The following CRYBA4 variants were observed in gnomAD, a reference collection of about 807,000 sequenced individuals.
CRYBA4 encodes crystallin beta A4.
A neutral mutation model predicts 31.7 loss-of-function variants in CRYBA4; 30 were observed. The ratio of observed to expected loss-of-function variants is 0.95; its 90% CI spans 0.71 to 1.28. The LOEUF (loss-of-function observed/expected upper bound fraction) is 1.28, where lower values mean the gene tolerates loss of function less well. CRYBA4 is among the 50% of genes most tolerant of loss of function. CRYBA4 has a pLI of 0.00. For missense variants in CRYBA4, 225 were observed against 260.7 expected (o/e 0.86, Z 0.94); for synonymous variants, 102 against 102.3 (o/e 1.00, Z 0.02).
intron 4 of CRYBA4, among the ~76,000 whole-genome samples, chr22:26,627,422 T>TTCTTTCTTTC (rs1569211779): frequency 1.0e-5 from 1 of 98,120 alleles, no homozygotes; most frequent in Non-Finnish European, 1.8e-5. Context: ...CTTTCTTTCT[T>TTCTTTCTTTC]TCTTTTTCTT....
chr22:26,610,381 C>T, the CRYBA4 span, among the ~76,000 whole-genome samples: 16 of 152,268 alleles, frequency 1.1e-4, no homozygotes, highest in Admixed American at 8.5e-4. Context: ...CCACACAGAC[C>T]CAGGCCCCCG....
upstream of CRYBA4, chr22:26,617,850 C>T (rs970163791): frequency 6.5e-6 from 1 of 153,178 alleles, no homozygotes; most frequent in Non-Finnish European, 1.5e-5. Context: ...CTCTCCACTT[C>T]CGTCTTTATC....
At chr22:26,612,207 C>T in the CRYBA4 span, 1 of 1,580,886 alleles carries the variant, frequency 6.3e-7, no homozygotes, top group Non-Finnish European at 8.7e-7. Flanking sequence ...GAGAGAAGCC[C>T]CCATGCCAAG....
chr22:26,597,684 G>A, the CRYBA4 span, among the ~76,000 whole-genome samples: 2 of 152,160 alleles, frequency 1.3e-5, no homozygotes, highest in South Asian at 2.1e-4. Flanking sequence ...AATATTAACT[G>A]TTGATATGGG....
chr22:26,596,783 G>C, the CRYBA4 span: 1 of 152,174 alleles, frequency 6.6e-6, no homozygotes, highest in African/African-American at 2.4e-5. Flanking sequence ...TTTGGAATCA[G>C]AGAATCACAG....
chr22:26,611,465 T>G, the CRYBA4 span, among the ~76,000 whole-genome samples: 64 of 136,516 alleles, frequency 4.7e-4, no homozygotes, highest in Non-Finnish European at 8.9e-4. Flanking sequence ...TTTTTTTTTT[T>G]TTTGTTTTTT....
At chr22:26,621,105 A>G (rs556314945), upstream of CRYBA4, among the ~76,000 whole-genome samples, 1 of 152,166 alleles carries the variant, frequency 6.6e-6, no homozygotes, top group Non-Finnish European at 1.5e-5. Context: ...TCATACGCCA[A>G]TTCAGAGGGC....
chr22:26,628,305 G>A lies in CRYBA4; in HGVS notation c.318G>A (p.Arg106=), dbSNP rs749895210. The change falls in exon 5 of 6, where the codon AGG becomes AGA. Residue 106 remains arginine, a synonymous_variant. Transcript: ENST00000354760. ...PAACANHRDS[R]LTIFEQENFL... ...TCCTGTAGAACCACCGTGACTCGAG[G>A]CTGACAATCTTCGAGCAAGAGAACT... 33 of 1,613,906 alleles carry A rather than the reference G, an allele frequency of 2.0e-5. No homozygotes were observed. In the Admixed American group the frequency reaches 5.0e-4, roughly 24 times the overall value.
intron 4 of CRYBA4, among the ~76,000 whole-genome samples, chr22:26,627,773 C>T (rs1389395027): frequency 6.6e-6 from 1 of 151,870 alleles, no homozygotes; most frequent in Non-Finnish European, 1.5e-5. Flanking sequence ...CTCAGTCTCC[C>T]AAGTAGCTGA....
the CRYBA4 span, among the ~76,000 whole-genome samples, chr22:26,600,022 G>A: frequency 6.6e-6 from 1 of 152,204 alleles, no homozygotes; most frequent in African/African-American, 2.4e-5. Flanking sequence ...GCAGGGCTCA[G>A]AGAACAAATC....
the CRYBA4 span, chr22:26,616,050 G>A: frequency 9.7e-7 from 1 of 1,035,078 alleles, no homozygotes; most frequent in South Asian, 1.3e-5. Context: ...AGTAAGAGGT[G>A]AAAGAGGAAG....
chr22:26,621,859 G>A, upstream of CRYBA4: 2 of 471,576 alleles, frequency 4.2e-6, no homozygotes, highest in Non-Finnish European at 5.6e-6. Context: ...AGCCAGGGCT[G>A]GCTTTTGTTT....
At chr22:26,590,220 A>G in the CRYBA4 span, 1 of 82,656 alleles carries the variant, frequency 1.2e-5, no homozygotes, top group Admixed American at 1.4e-4. Context: ...CATCCCCTCC[A>G]CTGCGCCTCG....
At chr22:26,617,678 CCTGT>C (rs980275911), upstream of CRYBA4, among the ~76,000 whole-genome samples, 12 of 152,144 alleles carry the variant, frequency 7.9e-5, no homozygotes, top group South Asian at 2.1e-4. Context: ...TGCCTATCTG[CCTGT>C]CTGTTTCTCT....
chr22:26,614,603 C>T, the CRYBA4 span, among the ~76,000 whole-genome samples: 3 of 152,010 alleles, frequency 2.0e-5, no homozygotes, highest in Non-Finnish European at 2.9e-5. Flanking sequence ...GGCAGTCATG[C>T]GCAACAATAT....
rs916247393 is a variant in CRYBA4, at chr22:26,630,594, C to G, written c.*107C>G. 19 of 964,114 alleles carry G rather than the reference C, an allele frequency of 2.0e-5. No homozygotes were observed. The African/African-American group carries it at 2.7e-4, about 14-fold the overall frequency. The allele number at this position is 964,114 out of a possible 1,614,324, so 59.7% of individuals were successfully genotyped here. A position where few individuals can be genotyped will look rare whatever the true frequency, so the allele number is the denominator to read the frequency against. On this transcript the variant is annotated 3_prime_UTR_variant, in exon 6 of 6. Coordinates refer to ENST00000354760, the MANE Select transcript of CRYBA4 (RefSeq NM_001886.3). ...TGCCTCCCCCTGTAACCTGTGTGAACCCAGCACCCATGTGAACTGGTCCGT... is the reference window on the plus strand; with the variant it reads ...TGCCTCCCCCTGTAACCTGTGTGAAGCCAGCACCCATGTGAACTGGTCCGT...
In CRYBA4 at chr22:26,627,448, T is replaced by TC. The variant is rs1465797966; in HGVS notation, c.301-840_301-839insC. 1.1e-3 allele frequency among the ~76,000 whole-genome samples: 123 copies of TC among 108,018 alleles called. 2 individuals carry two copies. Among genetic ancestry groups the TC allele is most frequent in the East Asian group, 1.7e-3 (5 of 2,870 alleles). 70.9% of individuals were successfully genotyped at this position (108,018 alleles called of 152,430 possible). A position where few individuals can be genotyped will look rare whatever the true frequency, so the allele number is the denominator to read the frequency against. ...TCTTTTTCTTTCTTTCTTTCTTTCC[T>TC]TCTTTCTTTTTCTTTCTTTCTTTCT... On this transcript the variant is annotated intron_variant, in intron 4 of 5. Coordinates refer to ENST00000354760, the MANE Select transcript of CRYBA4 (RefSeq NM_001886.3).
chr22:26,599,477 G>T, the CRYBA4 span: 11 of 1,603,682 alleles, frequency 6.9e-6, no homozygotes, highest in African/African-American at 8.0e-5. Context: ...AGGTAGCAGA[G>T]TGAGGTGTGG....
the CRYBA4 span, among the ~76,000 whole-genome samples, chr22:26,603,497 TC>T: frequency 1.4e-3 from 212 of 151,622 alleles, no homozygotes; most frequent in African/African-American, 4.8e-3. Context: ...ACCACTGCAC[TC>T]CAGCCTGGGC....
Sources: gnomAD v4.1 joint callset for allele counts (sites outside exome capture counted in the v4.1 genomes callset) on GRCh38, gnomAD v4.1.1 for gene constraint, MANE v1.5 for transcripts, NCBI Gene and HGNC (gene_info 2026-07-23, HGNC 2026-07-21) for gene names.